CLCN4: variants seen among roughly 807,000 people sequenced by gnomAD.
The protein encoded by CLCN4 is H(+)/Cl(-) exchange transporter 4.
Under a neutral mutation model 41.7 loss-of-function variants are expected in CLCN4, and 1 was observed. The ratio of observed to expected loss-of-function variants is 0.02; its 90% confidence interval spans 0.01 to 0.11. The LOEUF (loss-of-function observed/expected upper bound fraction) is 0.11. CLCN4 is among the 10% of genes least tolerant of loss of function. The probability of loss-of-function intolerance (pLI) is 1.00; values close to 1 mark genes in which losing one functional copy is unlikely to be tolerated. For synonymous variants in CLCN4, 277 were observed against 285.8 expected (o/e 0.97, Z 0.31); for missense variants, 287 against 661.0 (o/e 0.43, Z 6.20).
At chrX:10,213,114 G>C (rs184416014) in intron 10 of CLCN4, among the ~76,000 whole-genome samples, 119 of 111,976 alleles carry the variant, frequency 1.1e-3, no homozygotes, top group African/African-American at 3.3e-3. Context: ...GTGAGAAACA[G>C]ATGGTTGCCT....
rs754456637 is a variant in CLCN4 at position 10,158,474 on chromosome X, C to T, written c.-89C>T. 9.1e-5 allele frequency: 27 copies of T among 297,023 alleles called. No individual in the cohort carries two copies. Among genetic ancestry groups the T allele is most frequent in the African/African-American group, 7.3e-4 (27 of 37,017 alleles). The allele number at this position is 297,023 out of a possible 1,213,427, so 24.5% of individuals were successfully genotyped here. A position where few individuals can be genotyped will look rare whatever the true frequency, so the allele number is the denominator to read the frequency against. ...CGCCTCCTGGTGATGTCACGGCGCT[C>T]GCAGCCGTCGCGCTGAAGAAAGGAT... On this transcript the variant is annotated 5_prime_UTR_variant, in exon 2 of 13. Transcript: ENST00000380833.
chrX:10,162,860 C>T (rs1255267374), intron 2 of CLCN4, among the ~76,000 whole-genome samples: 1 of 112,781 alleles, frequency 8.9e-6, no homozygotes, highest in Non-Finnish European at 1.9e-5. Flanking sequence ...CAATAATTTA[C>T]TTTTAAATGG....
intron 6 of CLCN4, among the ~76,000 whole-genome samples, chrX:10,202,945 C>A (rs777224596): frequency 3.6e-5 from 4 of 111,999 alleles, no homozygotes; most frequent in Non-Finnish European, 7.5e-5. Context: ...CTCGTTAAAG[C>A]CCTGCTCGCT....
rs756980073 is a variant in CLCN4 at position 10,221,526 on chromosome X, C to T, written c.2192+649C>T. On this transcript the variant is annotated intron_variant, in intron 12 of 12. Coordinates refer to ENST00000380833, the MANE Select transcript of CLCN4 (RefSeq NM_001830.4). ...TTTTATAAAATCAGCCAAGTGTGCC[C>T]ATAGTCCCAGCTACTTGGGAGGCTG... is the stretch of plus-strand genomic sequence containing the variant. Among the ~76,000 whole-genome samples, 3 of 111,165 alleles carry T rather than the reference C, an allele frequency of 2.7e-5. No individual in the cohort carries two copies. In the South Asian group the frequency reaches 1.1e-3, roughly 42 times the overall value.
intron 10 of CLCN4, 33 bp downstream of exon 10, chrX:10,212,686 G>A (rs757664981): frequency 2.3e-5 from 27 of 1,153,184 alleles, no homozygotes; most frequent in East Asian, 1.5e-4. Context: ...GAGGGGGACC[G>A]GGGAACTAAT....
chrX:10,230,434 T>A (rs1602169212), intron 12 of CLCN4, among the ~76,000 whole-genome samples: 1 of 112,080 alleles, frequency 8.9e-6, no homozygotes, highest in Non-Finnish European at 1.9e-5. Context: ...AAAATGTGTA[T>A]CTCTGGTTGA....
At chrX:10,157,607 A>C (rs1922985010) in intron 1 of CLCN4, among the ~76,000 whole-genome samples, 1 of 113,044 alleles carries the variant, frequency 8.8e-6, no homozygotes, top group African/African-American at 3.2e-5. Flanking sequence ...AAATTATCAC[A>C]GTTGTAATTT....
chrX:10,167,571 G>A (rs1436373541), intron 2 of CLCN4, among the ~76,000 whole-genome samples: 1 of 112,081 alleles, frequency 8.9e-6, no homozygotes, highest in Non-Finnish European at 1.9e-5. Context: ...TCCAAAGCTA[G>A]GTCATTAGAG....
At chrX:10,201,287 C>T (rs1180535425) in intron 6 of CLCN4, among the ~76,000 whole-genome samples, 2 of 111,611 alleles carry the variant, frequency 1.8e-5, no homozygotes, top group African/African-American at 6.5e-5. Context: ...TATTAGTATT[C>T]TTTTAACTCT....
At chrX:10,185,792 G>A (rs771860755) in intron 3 of CLCN4, among the ~76,000 whole-genome samples, 2 of 111,786 alleles carry the variant, frequency 1.8e-5, no homozygotes, top group Non-Finnish European at 3.8e-5. Flanking sequence ...GAGGATTCCT[G>A]CAGAGGGAGG....
chrX:10,192,754 C>G (rs1924000526), intron 4 of CLCN4, among the ~76,000 whole-genome samples: 1 of 112,116 alleles, frequency 8.9e-6, no homozygotes, highest in Non-Finnish European at 1.9e-5. Flanking sequence ...GGCTGGAGAC[C>G]AGAGAGGAAG....
In CLCN4 at chrX:10,159,026, G is replaced by T. The variant is rs1468173723; in HGVS notation, c.-12+475G>T. On this transcript the variant is annotated intron_variant, in intron 2 of 12. Transcript: ENST00000380833. ...TCTTTCAAAGCAAAAGCGGGCTGGG[G>T]AGTGGAAACTTCTTGGTTAGCAATT... 1.8e-5 allele frequency among the ~76,000 whole-genome samples: 2 copies of T among 112,779 alleles called. 1 individual carries two copies. The highest frequency in any genetic ancestry group is 6.4e-5 in the African/African-American group (2 of 31,062).
chrX:10,217,433 T>G (rs1315787984), intron 11 of CLCN4, among the ~76,000 whole-genome samples: 1 of 112,235 alleles, frequency 8.9e-6, no homozygotes, highest in Non-Finnish European at 1.9e-5. Context: ...CTCCACCCAC[T>G]GGATGTCAGC....
chrX:10,186,518 C>T (rs1337247387), intron 3 of CLCN4, among the ~76,000 whole-genome samples: 3 of 111,272 alleles, frequency 2.7e-5, no homozygotes, highest in Non-Finnish European at 3.8e-5. Flanking sequence ...GGCGAGCCAG[C>T]GGCATGGGGG....
chrX:10,172,310 C>T (rs1425526497), intron 2 of CLCN4, among the ~76,000 whole-genome samples: 1 of 112,113 alleles, frequency 8.9e-6, no homozygotes, highest in Non-Finnish European at 1.9e-5. Context: ...TAATGCACTT[C>T]AGGCATGCCA....
rs191617016 is a variant in CLCN4 at position 10,167,409 on chromosome X, A to T, written c.-12+8858A>T. Reference sequence around the variant, plus strand: ...TCAGGCAAGGTGGAATAAGGCAGTGAAAAGCTTTTGTATTGGAGCCAGCCT... The same window carrying T: ...TCAGGCAAGGTGGAATAAGGCAGTGTAAAGCTTTTGTATTGGAGCCAGCCT... On this transcript the variant is annotated intron_variant, in intron 2 of 12. Coordinates refer to ENST00000380833, the MANE Select transcript of CLCN4 (RefSeq NM_001830.4). Among the ~76,000 whole-genome samples the T allele has an allele frequency of 8.0e-5, 9 of 112,454 alleles. No individual in the cohort carries two copies. The East Asian group carries it at 2.0e-3, about 24-fold the overall frequency.
At chrX:10,203,007 TG>T (rs1924282213) in intron 6 of CLCN4, among the ~76,000 whole-genome samples, 2 of 111,953 alleles carry the variant, frequency 1.8e-5, no homozygotes, top group African/African-American at 6.5e-5. Context: ...TGCCATCTAC[TG>T]GGAATGAATT....
In CLCN4 at chrX:10,174,673, C is replaced by G. The variant is rs149752856; in HGVS notation, c.-11-10349C>G. Reference sequence around the variant, plus strand: ...TTCCCCCCACCCTGTGCCCTGCTGTCAGCCCTACCTTTCTGTCACCCCCTT... The same window carrying G: ...TTCCCCCCACCCTGTGCCCTGCTGTGAGCCCTACCTTTCTGTCACCCCCTT... On this transcript the variant is annotated intron_variant, in intron 2 of 12. Transcript: ENST00000380833. Among the ~76,000 whole-genome samples, 267 of 111,564 alleles carry G rather than the reference C, an allele frequency of 2.4e-3. No homozygotes were observed. In the Middle Eastern group the frequency reaches 0.032, roughly 14 times the overall value.
At chrX:10,223,124 G>A (rs1924900137) in intron 12 of CLCN4, among the ~76,000 whole-genome samples, 1 of 111,690 alleles carries the variant, frequency 9.0e-6, no homozygotes, top group South Asian at 3.8e-4. Flanking sequence ...AAGCTCCCAG[G>A]TGATGCTGCA....
Sources: allele counts gnomAD v4.1 joint callset (sites outside exome capture counted in the v4.1 genomes callset), GRCh38; gene constraint gnomAD v4.1.1; transcripts MANE v1.5; gene names NCBI Gene and HGNC (gene_info 2026-07-23, HGNC 2026-07-21).